RBFOX1: variants seen among roughly 807,000 people sequenced by gnomAD.
The protein encoded by RBFOX1 is RNA binding fox-1 homolog 1, also known as RNA binding protein fox-1 homolog 1.
RBFOX1 carries 8 observed loss-of-function variants against 57.7 expected under a neutral mutation model. That is an observed-to-expected ratio of 0.14 (90% CI 0.08 to 0.25). The LOEUF is 0.25. Ranked by LOEUF, RBFOX1 falls within the 10% of genes least tolerant of loss-of-function variation. The probability of loss-of-function intolerance (pLI) is 1.00; values close to 1 mark genes in which losing one functional copy is unlikely to be tolerated. For synonymous variants in RBFOX1, 326 were observed against 222.4 expected, an observed-to-expected ratio of 1.47 and a Z score of -4.15; for missense variants, 611 against 548.5, an observed-to-expected ratio of 1.11 and a Z score of -1.14.
chr16:7,434,259 C>T (rs1029613191), intron 4 of RBFOX1, among the ~76,000 whole-genome samples: 1 of 152,044 alleles, frequency 6.6e-6, no homozygotes, highest in African/African-American at 2.4e-5. Flanking sequence ...ATCACGACTT[C>T]AGAAGATCGA....
chr16:6,493,792 C>T (rs1193747490), intron 2 of RBFOX1, among the ~76,000 whole-genome samples: 1 of 152,200 alleles, frequency 6.6e-6, no homozygotes, highest in Non-Finnish European at 1.5e-5. Context: ...AACCTGTGCA[C>T]TTCACTCGGC....
At position 6,148,676 on chromosome 16, in the gene RBFOX1, T is replaced by G. The variant is rs572657006; in HGVS notation, c.-127+128684T>G. Among the ~76,000 whole-genome samples the G allele has an allele frequency of 2.0e-5, 3 of 152,310 alleles. No individual in the cohort carries two copies. In the South Asian group the frequency reaches 6.2e-4, roughly 32 times the overall value. On this transcript the variant is annotated intron_variant, in intron 1 of 15. Transcript: ENST00000550418. ...GTGATGTAGAACAGGCAGGACACAG[T>G]TAGCATGGGAGACCCAGCTAGAAAA...
At chr16:6,395,248 GA>G (rs1567185336) in intron 2 of RBFOX1, among the ~76,000 whole-genome samples, 1 of 152,132 alleles carries the variant, frequency 6.6e-6, no homozygotes, top group Non-Finnish European at 1.5e-5. Context: ...ACCATTAAAC[GA>G]ATGCGTTTTT....
chr16:6,290,405 G>A (rs1210232366), intron 1 of RBFOX1, among the ~76,000 whole-genome samples: 5 of 151,556 alleles, frequency 3.3e-5, no homozygotes, highest in Non-Finnish European at 2.9e-5. Flanking sequence ...AGGAGGAGGG[G>A]TATGTAGCTT....
chr16:7,388,053 T>A (rs1384263655), intron 4 of RBFOX1, among the ~76,000 whole-genome samples: 3 of 152,192 alleles, frequency 2.0e-5, no homozygotes, highest in Non-Finnish European at 4.4e-5. Context: ...GCTTTTTTTT[T>A]AATTTAAAGG....
At chr16:5,756,244 A>T (rs909539504) in intron 3 of RBFOX1, among the ~76,000 whole-genome samples, 6 of 151,006 alleles carry the variant, frequency 4.0e-5, no homozygotes, top group Admixed American at 2.0e-4. Flanking sequence ...AAAAAAAAAA[A>T]AAAACCCTGC....
At chr16:6,252,127 C>T (rs900863180) in intron 1 of RBFOX1, among the ~76,000 whole-genome samples, 1 of 152,090 alleles carries the variant, frequency 6.6e-6, no homozygotes, top group African/African-American at 2.4e-5. Flanking sequence ...GTCCAGTCCT[C>T]CACATGGGGA....
At chr16:5,475,696 G>A (rs1327088372) in intron 2 of RBFOX1, among the ~76,000 whole-genome samples, 1 of 152,228 alleles carries the variant, frequency 6.6e-6, no homozygotes, top group African/African-American at 2.4e-5. Context: ...TGCTTCCACT[G>A]TTTAAATGGT....
chr16:5,886,142 A>G (rs2057893589), intron 4 of RBFOX1, among the ~76,000 whole-genome samples: 1 of 152,102 alleles, frequency 6.6e-6, no homozygotes, highest in South Asian at 2.1e-4. Context: ...TGCTTCCTCT[A>G]CAGCTTGTGG....
At chr16:6,112,008 T>G (rs1387952400) in intron 1 of RBFOX1, among the ~76,000 whole-genome samples, 1 of 151,194 alleles carries the variant, frequency 6.6e-6, no homozygotes, top group Non-Finnish European at 1.5e-5. Flanking sequence ...CATTTTCCAT[T>G]TAGTGATCTG....
chr16:7,270,412 A>G (rs910896230), intron 4 of RBFOX1, among the ~76,000 whole-genome samples: 2 of 152,350 alleles, frequency 1.3e-5, no homozygotes, highest in East Asian at 1.9e-4. Flanking sequence ...AAAACATCTA[A>G]CAATGATAAA....
At chr16:6,066,901 C>G (rs115144822) in intron 1 of RBFOX1, among the ~76,000 whole-genome samples, 1 of 152,020 alleles carries the variant, frequency 6.6e-6, no homozygotes, top group East Asian at 1.9e-4. Context: ...TGCATTTGAC[C>G]GTTGACTCAC....
At chr16:7,287,913 T>C (rs2095682501) in intron 4 of RBFOX1, among the ~76,000 whole-genome samples, 1 of 152,208 alleles carries the variant, frequency 6.6e-6, no homozygotes, top group Admixed American at 6.5e-5. Flanking sequence ...CGGTGTATTT[T>C]CAAAATACAC....
intron 3 of RBFOX1, among the ~76,000 whole-genome samples, chr16:5,841,545 G>A (rs189214470): frequency 1.0e-3 from 155 of 152,264 alleles, no homozygotes; most frequent in African/African-American, 3.3e-3. Flanking sequence ...GAATGGACAC[G>A]TACAACCAAA....
intron 4 of RBFOX1, among the ~76,000 whole-genome samples, chr16:7,069,276 T>C (rs555781316): frequency 6.6e-6 from 1 of 152,354 alleles, no homozygotes; most frequent in South Asian, 2.1e-4. Context: ...CATGGTGTTT[T>C]GCTGCACCTG....
intron 10 of RBFOX1, among the ~76,000 whole-genome samples, chr16:7,628,619 CT>C (rs576914677): frequency 6.7e-5 from 10 of 149,950 alleles, no homozygotes; most frequent in African/African-American, 9.8e-5. Flanking sequence ...TTGTGATAAA[CT>C]TTTTTTTTTG....
intron 2 of RBFOX1, among the ~76,000 whole-genome samples, chr16:6,641,016 C>G (rs753060204): frequency 5.3e-5 from 8 of 152,200 alleles, no homozygotes; most frequent in African/African-American, 1.9e-4. Context: ...AAGTTGCTAT[C>G]TGACTTGATG....
intron 1 of RBFOX1, among the ~76,000 whole-genome samples, chr16:6,231,398 A>G (rs1272312100): frequency 6.6e-6 from 1 of 152,176 alleles, no homozygotes; most frequent in African/African-American, 2.4e-5. Context: ...AATGTTGCCC[A>G]AAGAATCCCA....
At chr16:5,313,647 A>G (rs1009550140) in intron 1 of RBFOX1, among the ~76,000 whole-genome samples, 1 of 152,214 alleles carries the variant, frequency 6.6e-6, no homozygotes, top group African/African-American at 2.4e-5. Context: ...TATGTCTTAC[A>G]TGGATGGCGG....
Sources: gnomAD v4.1 joint callset for allele counts (sites outside exome capture counted in the v4.1 genomes callset) on GRCh38, gnomAD v4.1.1 for gene constraint, MANE v1.5 for transcripts, NCBI Gene and HGNC (gene_info 2026-07-23, HGNC 2026-07-21) for gene names.